RIMBP2: variants seen among roughly 807,000 people sequenced by gnomAD.
The protein encoded by RIMBP2 is RIMS binding protein 2, also known as RIMS-binding protein 2.
A neutral mutation model predicts 118.6 loss-of-function variants in RIMBP2; 48 were observed. The observed-to-expected ratio is 0.40, with a 90% CI of 0.32 to 0.51. The LOEUF (loss-of-function observed/expected upper bound fraction) is 0.51. RIMBP2 is among the 20% of genes least tolerant of loss of function. The probability of loss-of-function intolerance (pLI) is 0.41; values close to 1 mark genes in which losing one functional copy is unlikely to be tolerated. For missense variants in RIMBP2, 1,551 were observed against 1,768.3 expected (o/e 0.88, Z 2.20); for synonymous variants, 762 against 742.9 (o/e 1.03, Z -0.42).
rs1035586215 is a variant in RIMBP2, at chr12:130,447,719, G to T, written c.582-2450C>A. Among the ~76,000 whole-genome samples, 3 of 152,158 alleles carry T rather than the reference G, an allele frequency of 2.0e-5. No homozygotes were observed. The highest frequency in any genetic ancestry group is 4.4e-5 in the Non-Finnish European group (3 of 68,032). On this transcript the variant is annotated intron_variant, in intron 9 of 22. Transcript: ENST00000690449. This position sits in a 1 kb window ranked among gnomAD's most constrained non-coding sequence, Gnocchi z 4.4. ...GGCGAAAGGAAGGATGGTGATGAAT[G>T]TGTCAGCCTCACCCTGGACCTCGGG...
chr12:130,604,321 CTAAGGT>C lies in RIMBP2; in HGVS notation c.-217+23995_-217+24000del, dbSNP rs1175310710. 6.1e-5 allele frequency among the ~76,000 whole-genome samples: 9 copies of C among 148,738 alleles called. No individual in the cohort carries two copies. The South Asian group carries it at 1.5e-3, about 25-fold the overall frequency. On this transcript the variant is annotated intron_variant, in intron 2 of 22. Transcript: ENST00000690449. ...AAAAAAAAAAAAACCTCACAGTAAG[CTAAGGT>C]TAATTGATTATTGAAGAAATAAAAA...
intron 2 of RIMBP2, among the ~76,000 whole-genome samples, chr12:130,571,030 G>A (rs1183635895): frequency 6.6e-6 from 1 of 152,132 alleles, no homozygotes; most frequent in East Asian, 1.9e-4. Context: ...TTTATGGCAG[G>A]AACTGAGAAA....
chr12:130,513,853 C>CT (rs1486531352), intron 3 of RIMBP2, among the ~76,000 whole-genome samples: 2 of 152,226 alleles, frequency 1.3e-5, no homozygotes, highest in East Asian at 3.8e-4. Context: ...AAGCATTTTG[C>CT]AATTCCAAGC....
intron 2 of RIMBP2, among the ~76,000 whole-genome samples, chr12:130,570,798 A>G (rs535231550): frequency 1.3e-5 from 2 of 152,346 alleles, no homozygotes; most frequent in South Asian, 4.1e-4. Context: ...TTTCATGAAC[A>G]TGATGATGAC....
chr12:130,669,584 C>A (rs1423314747), intron 1 of RIMBP2, among the ~76,000 whole-genome samples: 5 of 152,168 alleles, frequency 3.3e-5, no homozygotes, highest in Admixed American at 6.5e-5. Context: ...GAAGGTCAAG[C>A]TTGCTTCCCC....
intron 2 of RIMBP2, among the ~76,000 whole-genome samples, chr12:130,606,427 C>T (rs1294288726): frequency 1.3e-5 from 2 of 152,126 alleles, no homozygotes; most frequent in Admixed American, 6.5e-5. Context: ...GGGAGTCGCG[C>T]GTCTACACAG....
chr12:130,432,080 TG>T (rs2077186530), intron 14 of RIMBP2: 2 of 344,186 alleles, frequency 5.8e-6, no homozygotes, highest in Non-Finnish European at 1.1e-5. Flanking sequence ...CAAAAACCAG[TG>T]GGGGTATGGG....
intron 2 of RIMBP2, among the ~76,000 whole-genome samples, chr12:130,572,523 C>G (rs2057756493): frequency 6.6e-6 from 1 of 152,080 alleles, no homozygotes; most frequent in South Asian, 2.1e-4. Context: ...TCCCTTTCCC[C>G]TGTGTGCAGG....
chr12:130,438,336 C>CGGGGGGCG, intron 12 of RIMBP2, 29 bp downstream of exon 12: 1 of 844,142 alleles, frequency 1.2e-6, no homozygotes, highest in Non-Finnish European at 2.0e-6. Flanking sequence ...GCCTAACAAA[C>CGGGGGGCG]CCTCCCCACC....
chr12:130,569,675 C>T (rs10848147), intron 2 of RIMBP2, among the ~76,000 whole-genome samples: 41,377 of 152,000 alleles, frequency 0.27, 6,478 homozygotes, highest in East Asian at 0.37. Flanking sequence ...AAGCGTGCAG[C>T]CCCTCCCTCT....
At chr12:130,474,412 C>T (rs1192825827) in intron 5 of RIMBP2, among the ~76,000 whole-genome samples, 4 of 152,340 alleles carry the variant, frequency 2.6e-5, no homozygotes, top group South Asian at 2.1e-4. Context: ...TGAGCACCTC[C>T]GCCCATCCAG....
intron 6 of RIMBP2, chr12:130,465,667 G>A (rs61180713): frequency 1.6e-5 from 2 of 127,752 alleles, no homozygotes; most frequent in Non-Finnish European, 3.4e-5. Context: ...CTCAGGCAGT[G>A]GTTTCAGGGG....
intron 3 of RIMBP2, among the ~76,000 whole-genome samples, chr12:130,507,454 T>G (rs1331090574): frequency 2.0e-5 from 3 of 152,240 alleles, no homozygotes; most frequent in Non-Finnish European, 2.9e-5. Flanking sequence ...TACAAGTGTT[T>G]TCCCACTGTC....
chr12:130,656,776 G>C (rs529742007), intron 1 of RIMBP2, among the ~76,000 whole-genome samples: 156 of 152,312 alleles, frequency 1.0e-3, no homozygotes, highest in African/African-American at 3.6e-3. Context: ...GGGTGTGGTG[G>C]TGCACACCTG....
intron 2 of RIMBP2, among the ~76,000 whole-genome samples, chr12:130,521,825 T>C (rs1180369309): frequency 6.6e-6 from 1 of 152,244 alleles, no homozygotes; most frequent in Non-Finnish European, 1.5e-5. Flanking sequence ...AGAAATGTAA[T>C]GGCTTTTTTT....
rs871145 is a variant in RIMBP2 at position 130,478,273 on chromosome 12, C to G, written c.102+639G>C. Among the ~76,000 whole-genome samples the G allele has an allele frequency of 1.3e-3, 204 of 152,320 alleles. 4 individuals carry two copies. The South Asian group carries it at 0.025, about 19-fold the overall frequency. On this transcript the variant is annotated intron_variant, in intron 5 of 22. Coordinates refer to ENST00000690449, the MANE Select transcript of RIMBP2 (RefSeq NM_001393629.1). The stretch of plus-strand genomic sequence containing the variant: ...TGCCTTTTTCCTTTCTTACTGGGAT[C>G]CGGCTATAAATATTGCTCTGCAACT...
chr12:130,434,789 T>C lies in RIMBP2; in HGVS notation c.2198A>G (p.Lys733Arg), dbSNP rs946747512. 1.2e-6 allele frequency: 2 copies of C among 1,613,888 alleles called. No individual in the cohort carries two copies. The highest frequency in any genetic ancestry group is 2.2e-5 in the East Asian group (1 of 44,848). ...EEDAYDSPDF[K>R]RRGASVDDFL... ...GTCGTCCACCGAGGCGCCCCTCCTC[T>C]TGAAGTCTGGAGAGTCATAGGCGTC... Residue 733 changes from lysine to arginine, a missense_variant, in exon 14 of 23, where the codon AAG becomes AGG. By Grantham distance (26) the Lys-to-Arg change is conservative. This residue lies in a region of RIMBP2 where 1,038 missense variants were observed against 1,125.1 expected (regional missense o/e 0.92). Coordinates refer to ENST00000690449, the MANE Select transcript of RIMBP2 (RefSeq NM_001393629.1). The surrounding 1 kb of genome is among the most constrained non-coding windows in gnomAD (Gnocchi z 5.7).
intron 2 of RIMBP2, among the ~76,000 whole-genome samples, chr12:130,528,410 T>C (rs2053032601): frequency 6.6e-6 from 1 of 152,046 alleles, no homozygotes; most frequent in African/African-American, 2.4e-5. Context: ...AGAGAACACA[T>C]GGACATAGGG....
chr12:130,672,766 C>G (rs544168284), intron 1 of RIMBP2, among the ~76,000 whole-genome samples: 1 of 152,320 alleles, frequency 6.6e-6, no homozygotes, highest in South Asian at 2.1e-4. Context: ...GCCGGAGCCT[C>G]TCATTTCTTT....
Sources: gnomAD v4.1 joint callset for allele counts (sites outside exome capture counted in the v4.1 genomes callset) on GRCh38, gnomAD v4.1.1 for gene constraint, gnomAD v4.1.1 regional missense constraint, Gnocchi (gnomAD v3.1) non-coding constraint, MANE v1.5 for transcripts, NCBI Gene and HGNC (gene_info 2026-07-23, HGNC 2026-07-21) for gene names.